Variants in IYD observed in about 807,000 individuals in gnomAD.
The protein encoded by IYD is iodotyrosine deiodinase.
IYD carries 25 observed loss-of-function variants against 28.4 expected under a neutral mutation model. The observed-to-expected ratio is 0.88, with a 90% CI of 0.64 to 1.23. IYD has a LOEUF of 1.23. Ranked by LOEUF, IYD falls within the 50% of genes most tolerant of loss-of-function variation. IYD has a pLI of 0.00. For missense variants in IYD, 352 were observed against 357.9 expected, an observed-to-expected ratio of 0.98 and a Z score of 0.13; for synonymous variants, 140 against 130.8, an observed-to-expected ratio of 1.07 and a Z score of -0.48.
rs765888101 is a variant in IYD, at chr6:150,380,316, A to AACTACC, written c.179-9021_179-9016dup. ...CACCATTCTCTCCCTAAAACACCAC[A>AACTACC]ACTACCACTACCACTACCACAACAA... On this transcript the variant is annotated intron_variant, in intron 1 of 4. Coordinates refer to ENST00000344419, the MANE Select transcript of IYD (RefSeq NM_203395.3). 6.6e-5 allele frequency among the ~76,000 whole-genome samples: 10 copies of AACTACC among 152,250 alleles called. No homozygotes were observed. The East Asian group carries it at 1.5e-3, about 24-fold the overall frequency.
intron 2 of IYD, 99 bp downstream of exon 2, chr6:150,389,642 C>G: frequency 9.4e-7 from 1 of 1,062,282 alleles, no homozygotes; most frequent in Non-Finnish European, 1.5e-6. Flanking sequence ...GCGAATAAAG[C>G]CTAGAGTGAT....
At chr6:150,389,317 A>T (rs761374942) in intron 1 of IYD, 35 bp from the exon 2 acceptor site, 3 of 1,564,172 alleles carry the variant, frequency 1.9e-6, no homozygotes, top group Non-Finnish European at 2.6e-6. Flanking sequence ...CCAAGGGATC[A>T]TTTAGTTTGT....
rs902910729 is a variant in IYD at position 150,401,501 on chromosome 6, A to T, written c.*3264A>T. ...AACACCAGACACTTCTTCTGCCCCA[A>T]GCACACCCCACACTAATTTCTGCTG... is the stretch of plus-strand genomic sequence containing the variant. On this transcript the variant is annotated 3_prime_UTR_variant, in exon 5 of 5. Coordinates refer to ENST00000344419, the MANE Select transcript of IYD (RefSeq NM_203395.3). The T allele has an allele frequency of 6.6e-6, 1 of 152,280 alleles. No individual in the cohort carries two copies. The highest frequency in any genetic ancestry group is 1.5e-5 in the Non-Finnish European group (1 of 68,126). The allele number at this position is 152,280 out of a possible 1,614,324, so 9.4% of individuals were successfully genotyped here. A position where few individuals can be genotyped will look rare whatever the true frequency, so the allele number is the denominator to read the frequency against.
intron 1 of IYD, among the ~76,000 whole-genome samples, chr6:150,388,512 G>A (rs1777962913): frequency 6.6e-6 from 1 of 152,084 alleles, no homozygotes; most frequent in Admixed American, 6.5e-5. Flanking sequence ...GATCTGAGTG[G>A]TTTTCAACTG....
chr6:150,389,598 T>A, intron 2 of IYD, 55 bp downstream of exon 2: 1 of 1,419,134 alleles, frequency 7.0e-7, no homozygotes, highest in Non-Finnish European at 1.0e-6. Flanking sequence ...CTGGTGTGAC[T>A]CCAACAATGG....
chr6:150,383,846 ACC>A (rs1777757205), intron 1 of IYD, among the ~76,000 whole-genome samples: 1 of 151,488 alleles, frequency 6.6e-6, no homozygotes, highest in Non-Finnish European at 1.5e-5. Flanking sequence ...TTTAAAAAAA[ACC>A]TCCTCCCAAA....
At position 150,399,457 on chromosome 6, in the gene IYD, T is replaced by A. The variant is rs1484106854; in HGVS notation, c.*1220T>A. On this transcript the variant is annotated 3_prime_UTR_variant, in exon 5 of 5. Transcript: ENST00000344419. ...CAGTTGCCAGGTTGGGAATGCTAGATGTAGTCTTCACCCATCACCTTCTGT... is the reference window on the plus strand; with the variant it reads ...CAGTTGCCAGGTTGGGAATGCTAGAAGTAGTCTTCACCCATCACCTTCTGT... The A allele has an allele frequency of 6.6e-6, 1 of 152,236 alleles. No individual in the cohort carries two copies. Among genetic ancestry groups the A allele is most frequent in the African/African-American group, 2.4e-5 (1 of 41,440 alleles). The allele number at this position is 152,236 out of a possible 1,614,324, so 9.4% of individuals were successfully genotyped here.
rs1778439702 is a variant in IYD at position 150,399,409 on chromosome 6, G to C, written c.*1172G>C. Reference sequence around the variant, plus strand: ...CCCCTATTCTCCAGATGACAGCACAGCTGTTTGGGACTGATAGGGTCACAG... The same window carrying C: ...CCCCTATTCTCCAGATGACAGCACACCTGTTTGGGACTGATAGGGTCACAG... On this transcript the variant is annotated 3_prime_UTR_variant, in exon 5 of 5. Coordinates refer to ENST00000344419, the MANE Select transcript of IYD (RefSeq NM_203395.3). The C allele has an allele frequency of 1.3e-5, 2 of 152,358 alleles. No individual in the cohort carries two copies. Among genetic ancestry groups the C allele is most frequent in the African/African-American group, 4.8e-5 (2 of 41,550 alleles). 9.4% of individuals were successfully genotyped at this position (152,358 alleles called of 1,614,324 possible). A position where few individuals can be genotyped will look rare whatever the true frequency, so the allele number is the denominator to read the frequency against.
At position 150,398,308 on chromosome 6, in the gene IYD, T is replaced by A; in HGVS notation, c.*71T>A. The A allele has an allele frequency of 6.9e-7, 1 of 1,459,188 alleles. No homozygotes were observed. The highest frequency in any genetic ancestry group is 9.6e-7 in the Non-Finnish European group (1 of 1,043,674). 90.4% of individuals were successfully genotyped at this position (1,459,188 alleles called of 1,614,324 possible). A position where few individuals can be genotyped will look rare whatever the true frequency, so the allele number is the denominator to read the frequency against. On this transcript the variant is annotated 3_prime_UTR_variant, in exon 5 of 5. Coordinates refer to ENST00000344419, the MANE Select transcript of IYD (RefSeq NM_203395.3). ...TCCCTGAGCCTCTCGCCTGCTCCTCTTGGGTCTCTTGGCTGCTCTTTCTCC... is the reference window on the plus strand; with the variant it reads ...TCCCTGAGCCTCTCGCCTGCTCCTCATGGGTCTCTTGGCTGCTCTTTCTCC...
chr6:150,376,118 T>C (rs1777435448), intron 1 of IYD, among the ~76,000 whole-genome samples: 1 of 152,190 alleles, frequency 6.6e-6, no homozygotes, highest in African/African-American at 2.4e-5. Flanking sequence ...AAGGGACTGA[T>C]TGCTAGAAAG....
Position 150,369,152 on chromosome 6 carries a change from C to T in IYD, c.121C>T (p.Arg41Cys), listed in dbSNP as rs777194249. ...KGEPRTRAEA[R>C]PWVDEDLKDS... ...GGAGCCTAGAACCAGGGCCGAAGCT[C>T]GCCCCTGGGTGGATGAAGACTTAAA... The change falls in exon 1 of 5, where the codon CGC (arginine) becomes TGC (cysteine). Residue 41 changes from arginine (R) to cysteine (C), a missense_variant. Coordinates refer to ENST00000344419, the MANE Select transcript of IYD (RefSeq NM_203395.3). 10 of 1,613,762 alleles carry T rather than the reference C, an allele frequency of 6.2e-6. No homozygotes were observed. Among genetic ancestry groups the T allele is most frequent in the South Asian group, 5.5e-5 (5 of 91,064 alleles).
At chr6:150,394,840 T>A (rs1479673902) in intron 4 of IYD, among the ~76,000 whole-genome samples, 1 of 152,192 alleles carries the variant, frequency 6.6e-6, no homozygotes, top group African/African-American at 2.4e-5. Flanking sequence ...CCTTTTTGTT[T>A]TGTTTTGAGA....
At position 150,389,528 on chromosome 6, in the gene IYD, G is replaced by A. The variant is rs372013479; in HGVS notation, c.355G>A (p.Val119Ile). The change falls in exon 2 of 5, where the codon GTC becomes ATC. Residue 119 changes from valine (V) to isoleucine (I), a missense_variant. Coordinates refer to ENST00000344419, the MANE Select transcript of IYD (RefSeq NM_203395.3). ...EQVPMEVIDNVIRTAGTAPSG... is the reference protein window; with the variant it reads ...EQVPMEVIDNIIRTAGTAPSG... ...AGTCCCAATGGAAGTCATTGATAAT[G>A]TCATCAGAACGGCAGGTTTGTAATT... 143 of 1,613,932 alleles carry A rather than the reference G, an allele frequency of 8.9e-5. No homozygotes were observed. Among genetic ancestry groups the A allele is most frequent in the Non-Finnish European group, 1.1e-4 (135 of 1,179,932 alleles).
At chr6:150,387,004 T>C (rs573909649) in intron 1 of IYD, among the ~76,000 whole-genome samples, 1 of 152,318 alleles carries the variant, frequency 6.6e-6, no homozygotes, top group South Asian at 2.1e-4. Flanking sequence ...AGGTAAACTT[T>C]TTCTCTAGTT....
In IYD at chr6:150,370,418, C is replaced by T. The variant is rs111436207; in HGVS notation, c.178+1209C>T. The stretch of plus-strand genomic sequence containing the variant: ...GCATGCATGAATGTGTGTGTGCGTG[C>T]GCATGAGTGTGTTTGTGAGAGAGTG... On this transcript the variant is annotated intron_variant, in intron 1 of 4. Transcript: ENST00000344419. 4.3e-3 allele frequency: 3,597 copies of T among 845,024 alleles called. 14 individuals are homozygous for T. The highest frequency in any genetic ancestry group is 4.8e-3 in the Non-Finnish European group (3,416 of 709,418). 52.3% of individuals were successfully genotyped at this position (845,024 alleles called of 1,614,324 possible). A position where few individuals can be genotyped will look rare whatever the true frequency, so the allele number is the denominator to read the frequency against.
intron 1 of IYD, among the ~76,000 whole-genome samples, chr6:150,372,892 A>G (rs1198492010): frequency 6.6e-6 from 1 of 152,174 alleles, no homozygotes; most frequent in Non-Finnish European, 1.5e-5. Context: ...TTAGGGTCCA[A>G]GAAAGAAGAG....
chr6:150,385,470 G>A (rs747734739), intron 1 of IYD, among the ~76,000 whole-genome samples: 2 of 145,634 alleles, frequency 1.4e-5, no homozygotes, highest in East Asian at 2.0e-4. Flanking sequence ...TGTGGTTTAC[G>A]TTCTTCAGCT....
At chr6:150,396,873 CAA>C (rs59328359) in intron 4 of IYD, 28,196 of 109,584 alleles carry the variant, frequency 0.26, 2,398 homozygotes, top group Middle Eastern at 0.38. Flanking sequence ...GACTCCGTCT[CAA>C]AAAAAAAAAA....
Position 150,398,177 on chromosome 6 carries a change from G to A in IYD, c.810G>A (p.Lys270=), listed in dbSNP as rs781631921. ...LMLLPVGYPS[K]EATVPDLKRK... is the part of the protein sequence containing the mutation. Reference sequence around the variant, plus strand: ...TGCTCCCCGTGGGGTACCCCAGCAAGGAGGCCACGGTGCCTGACCTCAAGC... The same window carrying A: ...TGCTCCCCGTGGGGTACCCCAGCAAAGAGGCCACGGTGCCTGACCTCAAGC... The change falls in exon 5 of 5, where the codon AAG becomes AAA. Residue 270 remains lysine (K), a synonymous_variant. Coordinates refer to ENST00000344419, the MANE Select transcript of IYD (RefSeq NM_203395.3). 3.1e-5 allele frequency: 50 copies of A among 1,614,104 alleles called. No homozygotes were observed. The highest frequency in any genetic ancestry group is 4.0e-5 in the Non-Finnish European group (47 of 1,180,056).
Sources: gnomAD v4.1 joint callset for allele counts (sites outside exome capture counted in the v4.1 genomes callset) on GRCh38, gnomAD v4.1.1 for gene constraint, MANE v1.5 for transcripts, NCBI Gene and HGNC (gene_info 2026-07-23, HGNC 2026-07-21) for gene names.